The following SYNCRIP variants were observed in gnomAD, a reference collection of about 807,000 sequenced individuals.
SYNCRIP encodes the protein synaptotagmin binding cytoplasmic RNA interacting protein.
SYNCRIP carries 9 observed loss-of-function variants against 68.9 expected under a neutral mutation model. The observed-to-expected ratio is 0.13, with a 90% CI of 0.08 to 0.23. The LOEUF (loss-of-function observed/expected upper bound fraction) is 0.23, where lower values mean the gene tolerates loss of function less well. SYNCRIP is among the 10% of genes least tolerant of loss of function. The pLI is 1.00. For synonymous variants in SYNCRIP, 258 were observed against 254.0 expected (o/e 1.02, Z -0.15); for missense variants, 414 against 770.6 (o/e 0.54, Z 5.48).
At chr6:85,608,156 G>C (rs143245285), downstream of SYNCRIP, 5 of 152,132 alleles carry the variant, frequency 3.3e-5, no homozygotes, top group East Asian at 9.6e-4. Flanking sequence ...TAATGTGATT[G>C]CAACTGAGGA....
chr6:85,621,023 C>T (rs1488253904), intron 8 of SYNCRIP, among the ~76,000 whole-genome samples: 1 of 152,182 alleles, frequency 6.6e-6, no homozygotes, highest in Non-Finnish European at 1.5e-5. Flanking sequence ...GTAAGACAAA[C>T]TGTTCTCAAT....
chr6:85,640,599 T>C (rs1427589419), intron 2 of SYNCRIP, 35 bp from the exon 3 acceptor site: 2 of 1,383,568 alleles, frequency 1.4e-6, no homozygotes, highest in Non-Finnish European at 9.9e-7. Context: ...TTTTAATATT[T>C]TTAGAAAAGA....
rs143776261 is a variant in SYNCRIP, at chr6:85,634,240, G to A, written c.666+2727C>T. ...CATTTCCTAGTGTCTACTGGCACTC[G>A]AAATCACTGTTACTAATGGATTATA... On this transcript the variant is annotated intron_variant, in intron 6 of 10. Coordinates refer to ENST00000369622, the MANE Select transcript of SYNCRIP (RefSeq NM_006372.5). Among the ~76,000 whole-genome samples, 449 of 152,220 alleles carry A rather than the reference G, an allele frequency of 2.9e-3. 1 individual carries two copies. The highest frequency in any genetic ancestry group is 0.01 in the African/African-American group (421 of 41,540).
intron 6 of SYNCRIP, among the ~76,000 whole-genome samples, chr6:85,627,186 T>C (rs922132918): frequency 9.4e-5 from 14 of 149,062 alleles, no homozygotes; most frequent in African/African-American, 3.2e-4. Flanking sequence ...GAGAATCACT[T>C]GAAACTGGGC....
At chr6:85,620,031 G>C (rs1054708186) in intron 8 of SYNCRIP, among the ~76,000 whole-genome samples, 1 of 152,150 alleles carries the variant, frequency 6.6e-6, no homozygotes, top group Admixed American at 6.5e-5. Flanking sequence ...CAGATCACCT[G>C]AGGTCAGGAG....
intron 2 of SYNCRIP, 143 bp from the exon 3 acceptor site, chr6:85,640,707 T>C: frequency 1.8e-6 from 1 of 544,860 alleles, no homozygotes; most frequent in South Asian, 3.0e-5. Flanking sequence ...AAACACACAC[T>C]TCAGCCACTC....
At chr6:85,627,226 C>A (rs1198394767) in intron 6 of SYNCRIP, among the ~76,000 whole-genome samples, 3 of 150,294 alleles carry the variant, frequency 2.0e-5, no homozygotes, top group African/African-American at 7.4e-5. Flanking sequence ...CCAGATCGCG[C>A]CACTGCACTC....
At chr6:85,613,027 C>A, downstream of SYNCRIP, 11 of 1,348,668 alleles carry the variant, frequency 8.2e-6, no homozygotes, top group Non-Finnish European at 9.9e-6. Context: ...CATGGTAATT[C>A]TAAATATACT....
At chr6:85,640,665 T>A in intron 2 of SYNCRIP, 101 bp from the exon 3 acceptor site, 1 of 630,600 alleles carries the variant, frequency 1.6e-6, no homozygotes, top group Non-Finnish European at 2.6e-6. Context: ...TTACAATTCT[T>A]CTACTCCCCT....
intron 6 of SYNCRIP, among the ~76,000 whole-genome samples, chr6:85,624,479 A>G (rs1806809495): frequency 6.6e-6 from 1 of 152,198 alleles, no homozygotes; most frequent in Non-Finnish European, 1.5e-5. Context: ...CCGTTCTGTT[A>G]ACCAGCACCT....
At chr6:85,626,654 C>A (rs1195466121) in intron 6 of SYNCRIP, among the ~76,000 whole-genome samples, 1 of 152,178 alleles carries the variant, frequency 6.6e-6, no homozygotes, top group Non-Finnish European at 1.5e-5. Flanking sequence ...AGAATGGAAA[C>A]ATTCCATCAA....
At chr6:85,626,915 G>T (rs1449859665) in intron 6 of SYNCRIP, among the ~76,000 whole-genome samples, 1 of 152,132 alleles carries the variant, frequency 6.6e-6, no homozygotes, top group African/African-American at 2.4e-5. Context: ...ATAACACAAA[G>T]ATTTAGCAGG....
intron 1 of SYNCRIP, among the ~76,000 whole-genome samples, chr6:85,641,824 C>T (rs1435815048): frequency 6.6e-6 from 1 of 152,114 alleles, no homozygotes; most frequent in Non-Finnish European, 1.5e-5. Context: ...AAAGATAAAC[C>T]CCCAAAGTGC....
intron 10 of SYNCRIP, among the ~76,000 whole-genome samples, chr6:85,616,479 C>T (rs903421456): frequency 6.6e-6 from 1 of 152,126 alleles, no homozygotes; most frequent in African/African-American, 2.4e-5. Flanking sequence ...GCATGTGCCA[C>T]CATACCTAGC....
In SYNCRIP at chr6:85,614,752, G is replaced by A. The variant is rs749871909; in HGVS notation, c.*4C>T. The A allele has an allele frequency of 1.9e-6, 3 of 1,581,334 alleles. No individual in the cohort carries two copies. Among genetic ancestry groups the A allele is most frequent in the Non-Finnish European group, 2.6e-6 (3 of 1,165,390 alleles). ...TCTCCAATTTTACAGAGGCCCTACT[G>A]TTTCTACTTCCACTGTTGCCCAAAA... On this transcript the variant is annotated 3_prime_UTR_variant, in exon 11 of 11. Transcript: ENST00000369622.
chr6:85,623,438 C>T (rs747627474), intron 7 of SYNCRIP, among the ~76,000 whole-genome samples: 2 of 151,438 alleles, frequency 1.3e-5, no homozygotes, highest in Admixed American at 6.6e-5. Flanking sequence ...GTGGTGCGCG[C>T]CTGTAATCCC....
downstream of SYNCRIP, chr6:85,612,781 A>G: frequency 1.6e-6 from 2 of 1,282,328 alleles, no homozygotes; most frequent in Non-Finnish European, 2.1e-6. Flanking sequence ...CTTCTGCAAT[A>G]GAATATGCTC....
At chr6:85,627,558 G>C (rs1807200124) in intron 6 of SYNCRIP, among the ~76,000 whole-genome samples, 1 of 151,972 alleles carries the variant, frequency 6.6e-6, no homozygotes, top group South Asian at 2.1e-4. Context: ...CAGCAAGATG[G>C]GTAACAGTGA....
At chr6:85,626,276 A>G (rs1323059282) in intron 6 of SYNCRIP, among the ~76,000 whole-genome samples, 1 of 152,240 alleles carries the variant, frequency 6.6e-6, no homozygotes, top group East Asian at 1.9e-4. Flanking sequence ...CATTCCCTGG[A>G]TTCTTATAAT....
Sources: allele counts gnomAD v4.1 joint callset (sites outside exome capture counted in the v4.1 genomes callset), GRCh38; gene constraint gnomAD v4.1.1; transcripts MANE v1.5; gene names NCBI Gene and HGNC (gene_info 2026-07-23, HGNC 2026-07-21).